Variants in GPM6A observed in about 807,000 individuals in gnomAD.
The protein encoded by GPM6A is glycoprotein M6A.
GPM6A carries 7 observed loss-of-function variants against 32.1 expected under a neutral mutation model. That is an observed-to-expected ratio of 0.22 (90% confidence interval 0.12 to 0.41). The LOEUF is 0.41. Among genes scored for constraint, GPM6A ranks in the 10% least tolerant of loss-of-function variants. GPM6A has a pLI of 1.00. For synonymous variants in GPM6A, 130 were observed against 123.4 expected (o/e 1.05, Z -0.35); for missense variants, 235 against 347.2 (o/e 0.68, Z 2.57).
intron 1 of GPM6A, chr4:175,790,258 C>T (rs1733960249): frequency 6.6e-6 from 1 of 152,084 alleles, no homozygotes; most frequent in South Asian, 2.1e-4. Flanking sequence ...TTTAATCGAC[C>T]ACTATGGTTG....
chr4:175,939,841 C>G (rs1739349580), intron 1 of GPM6A, among the ~76,000 whole-genome samples: 1 of 150,570 alleles, frequency 6.6e-6, no homozygotes, highest in South Asian at 2.1e-4. Flanking sequence ...TTATCTGCTT[C>G]ACTCTTAATA....
At chr4:175,704,700 T>C (rs1745076540) in intron 1 of GPM6A, among the ~76,000 whole-genome samples, 1 of 152,220 alleles carries the variant, frequency 6.6e-6, no homozygotes, top group Non-Finnish European at 1.5e-5. Context: ...TGTCTTTCAC[T>C]GTTCTCGAAG....
intron 1 of GPM6A, among the ~76,000 whole-genome samples, chr4:175,898,662 G>A (rs964093463): frequency 6.6e-6 from 1 of 151,928 alleles, no homozygotes; most frequent in African/African-American, 2.4e-5. Flanking sequence ...ATTCTTCCTT[G>A]GTAAAACTAC....
intron 1 of GPM6A, among the ~76,000 whole-genome samples, chr4:175,702,216 G>A (rs1289462647): frequency 6.6e-6 from 1 of 152,104 alleles, no homozygotes; most frequent in Non-Finnish European, 1.5e-5. Context: ...AGTTATACAA[G>A]TTTTGGGGAT....
chr4:175,639,020 G>A (rs542170360), intron 6 of GPM6A, among the ~76,000 whole-genome samples: 5 of 152,080 alleles, frequency 3.3e-5, no homozygotes, highest in East Asian at 1.9e-4. Flanking sequence ...AGCGTCTCAC[G>A]TTCTGAAACA....
chr4:175,838,710 T>C (rs2064391618), intron 1 of GPM6A, among the ~76,000 whole-genome samples: 1 of 143,274 alleles, frequency 7.0e-6, no homozygotes, highest in Non-Finnish European at 1.5e-5. Flanking sequence ...GCTGGAGTGC[T>C]GTGGTGCAAT....
chr4:175,964,869 C>A (rs1230243364), intron 1 of GPM6A, among the ~76,000 whole-genome samples: 3 of 152,082 alleles, frequency 2.0e-5, no homozygotes, highest in Non-Finnish European at 4.4e-5. Context: ...AGTCAATTCT[C>A]AAGAAAACAA....
intron 1 of GPM6A, among the ~76,000 whole-genome samples, chr4:175,761,809 T>G (rs1423525240): frequency 6.6e-6 from 1 of 151,812 alleles, no homozygotes. Context: ...TTTTTTTTTT[T>G]TTGAGATTGA....
chr4:175,644,503 A>G (rs1228359451), intron 4 of GPM6A, among the ~76,000 whole-genome samples: 1 of 151,564 alleles, frequency 6.6e-6, no homozygotes, highest in African/African-American at 2.4e-5. Flanking sequence ...TATATAACAA[A>G]TAGATATAAT....
chr4:175,997,200 C>A (rs1412759749), intron 1 of GPM6A, among the ~76,000 whole-genome samples: 2 of 152,146 alleles, frequency 1.3e-5, no homozygotes, highest in Non-Finnish European at 2.9e-5. Context: ...AGCAGACAGT[C>A]AGCCCTCAGA....
At chr4:176,001,021 A>G (rs1338482376) in intron 1 of GPM6A, among the ~76,000 whole-genome samples, 7 of 152,228 alleles carry the variant, frequency 4.6e-5, no homozygotes, top group Non-Finnish European at 1.5e-5. Flanking sequence ...TCAAGCAAGA[A>G]GAGACTATGA....
At chr4:175,866,890 T>C (rs886740451) in intron 1 of GPM6A, among the ~76,000 whole-genome samples, 1 of 151,784 alleles carries the variant, frequency 6.6e-6, no homozygotes, top group Admixed American at 6.6e-5. Context: ...CAGCAATGAA[T>C]GAGTGTTTTG....
intron 1 of GPM6A, among the ~76,000 whole-genome samples, chr4:175,735,054 T>A (rs553300783): frequency 5.0e-4 from 76 of 152,294 alleles, no homozygotes; most frequent in Non-Finnish European, 9.4e-4. Flanking sequence ...TGCTTTATAT[T>A]GTATATTTTA....
intron 1 of GPM6A, among the ~76,000 whole-genome samples, chr4:175,766,648 T>C (rs1034191897): frequency 2.6e-5 from 4 of 150,944 alleles, no homozygotes; most frequent in African/African-American, 9.8e-5. Context: ...GTGCCTCCAC[T>C]TACTCTTTTT....
chr4:175,843,797 T>C (rs1005645582), intron 1 of GPM6A, among the ~76,000 whole-genome samples: 4 of 152,196 alleles, frequency 2.6e-5, no homozygotes, highest in Non-Finnish European at 5.9e-5. Context: ...ATAAGGTGAC[T>C]GGATACAGTC....
chr4:175,999,626 G>A (rs563854804), intron 1 of GPM6A, among the ~76,000 whole-genome samples: 3 of 151,846 alleles, frequency 2.0e-5, no homozygotes, highest in South Asian at 2.1e-4. Context: ...CTTCCACAGT[G>A]CTAGAGTTCA....
chr4:175,773,698 T>C (rs1412305314), intron 1 of GPM6A, among the ~76,000 whole-genome samples: 1 of 152,136 alleles, frequency 6.6e-6, no homozygotes, highest in Non-Finnish European at 1.5e-5. Flanking sequence ...AGAAAAGGAT[T>C]GGCTATCACT....
chr4:175,866,065 T>C (rs1310954775), intron 1 of GPM6A, among the ~76,000 whole-genome samples: 1 of 152,238 alleles, frequency 6.6e-6, no homozygotes, highest in East Asian at 1.9e-4. Flanking sequence ...TCACAGAATT[T>C]AAAATGTTAT....
chr4:175,859,615 A>G (rs1248001550), intron 1 of GPM6A, among the ~76,000 whole-genome samples: 1 of 152,178 alleles, frequency 6.6e-6, no homozygotes, highest in Admixed American at 6.6e-5. Flanking sequence ...GCAAGAGCCA[A>G]ATGAACCCAG....
Sources: gnomAD v4.1 joint callset for allele counts (sites outside exome capture counted in the v4.1 genomes callset) on GRCh38, gnomAD v4.1.1 for gene constraint, MANE v1.5 for transcripts, NCBI Gene and HGNC (gene_info 2026-07-23, HGNC 2026-07-21) for gene names.